Variants in PPP2R2B observed in about 807,000 individuals in gnomAD.
PPP2R2B encodes the protein serine/threonine-protein phosphatase 2A 55 kDa regulatory subunit B beta isoform.
PPP2R2B carries 5 observed loss-of-function variants against 46.0 expected under a neutral mutation model. That is an observed-to-expected ratio of 0.11 (90% CI 0.06 to 0.23). PPP2R2B has a LOEUF of 0.23. Among genes scored for constraint, PPP2R2B ranks in the 10% least tolerant of loss-of-function variants. The pLI, the probability that PPP2R2B is intolerant of heterozygous loss-of-function variation, is 1.00. For missense variants in PPP2R2B, 367 were observed against 575.0 expected (o/e 0.64, Z 3.70); for synonymous variants, 215 against 206.7 (o/e 1.04, Z -0.34).
Position 146,852,017 on chromosome 5 carries a change from T to C in PPP2R2B, c.70+25985A>G, listed in dbSNP as rs182914687. On this transcript the variant is annotated intron_variant, in intron 2 of 9. Transcript: ENST00000394411. ...TGTTAAATGTTTGCTGAAGAAATGG[T>C]GATGCTTTGAGAAAATTAGCTATTT... 1.0e-3 allele frequency among the ~76,000 whole-genome samples: 158 copies of C among 152,174 alleles called. 1 individual carries two copies. The highest frequency in any genetic ancestry group is 2.0e-3 in the Non-Finnish European group (136 of 67,968).
intron 2 of PPP2R2B, among the ~76,000 whole-genome samples, chr5:146,762,420 A>C (rs1754221987): frequency 6.6e-6 from 1 of 152,218 alleles, no homozygotes. Context: ...GAGATAGTGA[A>C]TATAAAACAC....
intron 8 of PPP2R2B, among the ~76,000 whole-genome samples, chr5:146,594,356 C>G (rs796086934): frequency 4.6e-5 from 7 of 152,274 alleles, no homozygotes; most frequent in African/African-American, 1.7e-4. Flanking sequence ...GCTCATCAAG[C>G]ATAGTTGAAT....
chr5:146,878,036 G>C lies in PPP2R2B; in HGVS notation c.36C>G (p.Asn12Lys). 6.2e-7 allele frequency: 1 copy of C among 1,614,156 alleles called. No homozygotes were observed. Among genetic ancestry groups the C allele is most frequent in the Non-Finnish European group, 8.5e-7 (1 of 1,180,018 alleles). Reference protein sequence around the residue: ...EEDIDTRKINNSFLRDHSYAT... With the variant: ...EEDIDTRKINKSFLRDHSYAT... ...CATAGCTGTGGTCGCGCAGGAAACT[G>C]TTGTTGATTTTGCGGGTATCAATGT... The change falls in exon 2 of 10, where the codon AAC becomes AAG. Residue 12 changes from asparagine to lysine, a missense_variant. Around this residue, in one of 2 missense-constraint regions of PPP2R2B, gnomAD observed 361 missense variants for 545.5 expected, o/e 0.66. Coordinates refer to ENST00000394411, the MANE Select transcript of PPP2R2B (RefSeq NM_181675.4). The surrounding 1 kb of genome is among the most constrained non-coding windows in gnomAD (Gnocchi z 4.5).
intron 1 of PPP2R2B, among the ~76,000 whole-genome samples, chr5:146,930,285 A>G (rs975011803): frequency 3.9e-5 from 6 of 152,162 alleles, no homozygotes; most frequent in Admixed American, 3.9e-4. Context: ...AACAACAAGG[A>G]CAGATGTGTC....
chr5:146,981,869 G>A (rs138406500), intron 1 of PPP2R2B, among the ~76,000 whole-genome samples: 88 of 152,250 alleles, frequency 5.8e-4, no homozygotes, highest in African/African-American at 1.8e-3. Context: ...CAATGAATAT[G>A]CAATAATAAT....
intron 2 of PPP2R2B, among the ~76,000 whole-genome samples, chr5:146,754,473 A>C (rs1179463914): frequency 6.6e-6 from 1 of 152,216 alleles, no homozygotes; most frequent in African/African-American, 2.4e-5. Context: ...TATGTGCACT[A>C]TGCCATATGT....
chr5:147,064,872 A>G (rs1192901913), intron 2 of PPP2R2B, among the ~76,000 whole-genome samples: 1 of 152,264 alleles, frequency 6.6e-6, no homozygotes, highest in East Asian at 1.9e-4. Flanking sequence ...AGTTGAACTT[A>G]GCAGTAAGAA....
At chr5:146,601,193 T>G (rs950235786) in intron 7 of PPP2R2B, among the ~76,000 whole-genome samples, 1 of 152,216 alleles carries the variant, frequency 6.6e-6, no homozygotes, top group Non-Finnish European at 1.5e-5. Flanking sequence ...TTATGAGCAT[T>G]TGAGTTGTTT....
At position 146,604,587 on chromosome 5, in the gene PPP2R2B, G is replaced by A. The variant is rs983227910; in HGVS notation, c.791-4127C>T. 2.0e-5 allele frequency among the ~76,000 whole-genome samples: 3 copies of A among 152,178 alleles called. No homozygotes were observed. The South Asian group carries it at 6.2e-4, about 32-fold the overall frequency. On this transcript the variant is annotated intron_variant, in intron 7 of 9. Transcript: ENST00000394411. Reference sequence around the variant, plus strand: ...GGGGGTATGTCAGGTTCACCAACAGGAGCGTATGTCTTGGAGACCCCAATA... The same window carrying A: ...GGGGGTATGTCAGGTTCACCAACAGAAGCGTATGTCTTGGAGACCCCAATA...
intron 7 of PPP2R2B, among the ~76,000 whole-genome samples, chr5:146,604,716 A>C (rs1186086623): frequency 6.6e-6 from 1 of 152,008 alleles, no homozygotes; most frequent in Non-Finnish European, 1.5e-5. Context: ...AGGTACTATC[A>C]CTCTTCTCAT....
intron 8 of PPP2R2B, among the ~76,000 whole-genome samples, chr5:146,595,378 C>T (rs1771075623): frequency 6.6e-6 from 1 of 152,208 alleles, no homozygotes; most frequent in South Asian, 2.1e-4. Context: ...ATGAACCTTT[C>T]CTCATCTGTC....
At chr5:146,790,291 T>A (rs1158002372) in intron 2 of PPP2R2B, among the ~76,000 whole-genome samples, 1 of 152,186 alleles carries the variant, frequency 6.6e-6, no homozygotes, top group Non-Finnish European at 1.5e-5. Flanking sequence ...ACCAGAGAAT[T>A]GTGCTTCCGA....
At chr5:146,841,603 A>T (rs535080981) in intron 2 of PPP2R2B, among the ~76,000 whole-genome samples, 1 of 152,352 alleles carries the variant, frequency 6.6e-6, no homozygotes, top group East Asian at 1.9e-4. Flanking sequence ...CTATGCAACC[A>T]TTAAAAAGGA....
At chr5:147,035,804 A>G (rs1756010014) in intron 1 of PPP2R2B, among the ~76,000 whole-genome samples, 1 of 152,140 alleles carries the variant, frequency 6.6e-6, no homozygotes, top group Non-Finnish European at 1.5e-5. Flanking sequence ...GAAGGGAAAA[A>G]AAAACAGTTT....
intron 3 of PPP2R2B, 72 bp downstream of exon 3, chr5:146,700,973 G>A: frequency 3.7e-6 from 5 of 1,349,424 alleles, no homozygotes; most frequent in Non-Finnish European, 3.2e-6. Context: ...CGACACATAA[G>A]GATTAAGGAA....
chr5:146,589,857 C>T lies in PPP2R2B; in HGVS notation c.*90G>A. On this transcript the variant is annotated 3_prime_UTR_variant, in exon 10 of 10. Transcript: ENST00000394411. ...ATTTCCTGTATAGGGAAATTAAAGT[C>T]AATGCATCAAATGAAGACCCAAAGA... The T allele has an allele frequency of 2.4e-6, 3 of 1,254,262 alleles. No individual in the cohort carries two copies. The highest frequency in any genetic ancestry group is 3.4e-6 in the Non-Finnish European group (3 of 888,930). The allele number at this position is 1,254,262 out of a possible 1,614,324, so 77.7% of individuals were successfully genotyped here.
chr5:146,735,662 A>C (rs974917146), intron 2 of PPP2R2B, among the ~76,000 whole-genome samples: 1 of 152,176 alleles, frequency 6.6e-6, no homozygotes, highest in African/African-American at 2.4e-5. Context: ...TGGAATGGCT[A>C]TGGAGTGGCC....
chr5:146,810,538 C>T (rs1191898017), intron 2 of PPP2R2B, among the ~76,000 whole-genome samples: 3 of 152,138 alleles, frequency 2.0e-5, no homozygotes, highest in Admixed American at 6.5e-5. Context: ...GATGCGGAAA[C>T]TCAGATAGAG....
intron 1 of PPP2R2B, among the ~76,000 whole-genome samples, chr5:146,889,747 T>G (rs559095713): frequency 2.6e-5 from 4 of 152,218 alleles, no homozygotes; most frequent in Non-Finnish European, 5.9e-5. Flanking sequence ...TTATCAAAAC[T>G]GAGAATAATT....
Sources: allele counts gnomAD v4.1 joint callset (sites outside exome capture counted in the v4.1 genomes callset), GRCh38; gene constraint gnomAD v4.1.1; regional missense constraint gnomAD v4.1.1; non-coding constraint Gnocchi (gnomAD v3.1); transcripts MANE v1.5; gene names NCBI Gene and HGNC (gene_info 2026-07-23, HGNC 2026-07-21).